CARF: variants seen among roughly 807,000 people sequenced by gnomAD.
CARF encodes calcium-responsive transcription factor.
In CARF, 57 loss-of-function variants were observed where a neutral mutation model predicts 82.0. The ratio of observed to expected loss-of-function variants is 0.70; its 90% CI spans 0.56 to 0.87. The LOEUF is 0.87. Ranked by LOEUF, CARF falls within the 40% of genes least tolerant of loss-of-function variation. CARF has a pLI of 0.00. For missense variants in CARF, 771 were observed against 855.8 expected (o/e 0.90, Z 1.24); for synonymous variants, 268 against 290.1 (o/e 0.92, Z 0.77).
At chr2:202,921,831 A>T (rs569742816) in intron 2 of CARF, among the ~76,000 whole-genome samples, 10 of 151,382 alleles carry the variant, frequency 6.6e-5, no homozygotes, top group Middle Eastern at 3.4e-3. Flanking sequence ...TTATTGAAAA[A>T]TTTTTTTTTC....
chr2:202,939,834 C>T (rs1277862646), intron 3 of CARF, among the ~76,000 whole-genome samples: 1 of 150,838 alleles, frequency 6.6e-6, no homozygotes, highest in Non-Finnish European at 1.5e-5. Context: ...GACTGCAGAC[C>T]CACACCACCA....
chr2:202,972,863 G>A (rs1428246376), intron 12 of CARF, among the ~76,000 whole-genome samples: 1 of 152,094 alleles, frequency 6.6e-6, no homozygotes, highest in Non-Finnish European at 1.5e-5. Flanking sequence ...CTCGAAAACT[G>A]CTACTTTAAC....
At chr2:202,929,494 A>G (rs904122854) in intron 3 of CARF, among the ~76,000 whole-genome samples, 1 of 152,154 alleles carries the variant, frequency 6.6e-6, no homozygotes, top group African/African-American at 2.4e-5. Flanking sequence ...AATTGGCTGT[A>G]AGTGCGTAGA....
At chr2:202,950,617 G>T (rs905059541) in intron 5 of CARF, among the ~76,000 whole-genome samples, 2 of 152,124 alleles carry the variant, frequency 1.3e-5, no homozygotes, top group Non-Finnish European at 2.9e-5. Context: ...GTAGTTTGAA[G>T]GAGTCAGATT....
intron 11 of CARF, among the ~76,000 whole-genome samples, chr2:202,971,240 C>T (rs1248530922): frequency 6.6e-6 from 1 of 151,938 alleles, no homozygotes; most frequent in East Asian, 1.9e-4. Flanking sequence ...CCCTGTATCT[C>T]CCTCAACTGT....
Position 202,932,595 on chromosome 2 carries a change from G to T in CARF, c.-44+8180G>T, listed in dbSNP as rs554641409. On this transcript the variant is annotated intron_variant, in intron 3 of 16. Transcript: ENST00000438828. Reference sequence around the variant, plus strand: ...CAGGGGGATGAAGCACTGTGTAATAGTAACTGTAGTCCCTGGGAACTTGGC... The same window carrying T: ...CAGGGGGATGAAGCACTGTGTAATATTAACTGTAGTCCCTGGGAACTTGGC... Among the ~76,000 whole-genome samples, 4 of 152,256 alleles carry T rather than the reference G, an allele frequency of 2.6e-5. No homozygotes were observed. In the South Asian group the frequency reaches 8.3e-4, roughly 32 times the overall value.
Position 202,918,042 on chromosome 2 carries a change from A to C in CARF, c.-164A>C, listed in dbSNP as rs559310200. Reference sequence around the variant, plus strand: ...AATTTAAACCTGAGCCACTATCTGAAGGTAATTTTTTTTAACTAATTGAAA... The same window carrying C: ...AATTTAAACCTGAGCCACTATCTGACGGTAATTTTTTTTAACTAATTGAAA... On this transcript the variant is annotated splice_region_variant and 5_prime_UTR_variant, in exon 2 of 17. Transcript: ENST00000438828. 445 of 450,304 alleles carry C rather than the reference A, an allele frequency of 9.9e-4. 4 individuals carry two copies. Among genetic ancestry groups the C allele is most frequent in the South Asian group, 6.9e-3 (433 of 62,578 alleles). 27.9% of individuals were successfully genotyped at this position (450,304 alleles called of 1,614,324 possible).
At chr2:202,970,934 C>T (rs1473709725) in intron 11 of CARF, among the ~76,000 whole-genome samples, 1 of 151,218 alleles carries the variant, frequency 6.6e-6, no homozygotes, top group Non-Finnish European at 1.5e-5. Context: ...ACTTGGCCAG[C>T]AGGAGCTGGG....
At chr2:202,956,849 C>T (rs1041945615) in intron 8 of CARF, among the ~76,000 whole-genome samples, 3 of 151,842 alleles carry the variant, frequency 2.0e-5, no homozygotes, top group East Asian at 1.9e-4. Context: ...AGTGCAGTGG[C>T]GCTGTCTCAG....
In CARF at chr2:202,970,074, T is replaced by A; in HGVS notation, c.1097+12T>A. On this transcript the variant is annotated intron_variant, in intron 11 of 16. Transcript: ENST00000438828. ...GGTGGTGTTCTTAGGTATGACATTT[T>A]TATAGTTCTTTTATTTTACAAATTA... 2.6e-6 allele frequency: 4 copies of A among 1,544,628 alleles called. No homozygotes were observed. Among genetic ancestry groups the A allele is most frequent in the Non-Finnish European group, 3.5e-6 (4 of 1,157,446 alleles).
intron 2 of CARF, among the ~76,000 whole-genome samples, chr2:202,918,867 C>A (rs955101449): frequency 1.3e-5 from 2 of 152,174 alleles, no homozygotes; most frequent in African/African-American, 4.8e-5. Context: ...TTAATATTTT[C>A]TCAATGTAAC....
intron 9 of CARF, among the ~76,000 whole-genome samples, chr2:202,966,570 C>T (rs1253727712): frequency 2.6e-5 from 4 of 152,028 alleles, no homozygotes; most frequent in East Asian, 1.9e-4. Flanking sequence ...ATTAGCCTGG[C>T]GTGGTGGCAC....
intron 10 of CARF, among the ~76,000 whole-genome samples, chr2:202,968,958 TAGAG>T (rs2059663939): frequency 6.6e-6 from 1 of 152,112 alleles, no homozygotes; most frequent in South Asian, 2.1e-4. Flanking sequence ...GGTAGAGAGT[TAGAG>T]GGATGATATT....
intron 5 of CARF, among the ~76,000 whole-genome samples, chr2:202,944,891 C>CA (rs1236299105): frequency 3.5e-4 from 52 of 149,662 alleles, no homozygotes; most frequent in Non-Finnish European, 5.9e-5. Flanking sequence ...TATTTGAGTC[C>CA]AAAAAAAAGT....
intron 10 of CARF, among the ~76,000 whole-genome samples, chr2:202,969,588 AAT>A: frequency 7.1e-6 from 1 of 140,604 alleles, no homozygotes; most frequent in African/African-American, 3.0e-5. Context: ...AAAATAAATA[AAT>A]AAATAAATAA....
intron 3 of CARF, among the ~76,000 whole-genome samples, chr2:202,941,031 A>T (rs2058203388): frequency 6.6e-6 from 1 of 152,044 alleles, no homozygotes; most frequent in African/African-American, 2.4e-5. Flanking sequence ...CCTTCTAAAT[A>T]ATTTTATTCT....
At chr2:202,917,430 CT>C (rs1689946874) in intron 1 of CARF, among the ~76,000 whole-genome samples, 1 of 151,964 alleles carries the variant, frequency 6.6e-6, no homozygotes, top group African/African-American at 2.4e-5. Flanking sequence ...TTTCTTTCTG[CT>C]CTCTTTAATT....
At chr2:202,943,652 GT>G (rs72240582) in intron 5 of CARF, among the ~76,000 whole-genome samples, 2 of 135,514 alleles carry the variant, frequency 1.5e-5, no homozygotes, top group African/African-American at 2.9e-5. Context: ...CTCCAGTTTT[GT>G]TTTTTTTTTT....
chr2:202,928,383 C>T (rs1328865987), intron 3 of CARF, among the ~76,000 whole-genome samples: 1 of 152,018 alleles, frequency 6.6e-6, no homozygotes, highest in Non-Finnish European at 1.5e-5. Flanking sequence ...TTTACGGACA[C>T]TTAGGTTGAT....
Sources: allele counts gnomAD v4.1 joint callset (sites outside exome capture counted in the v4.1 genomes callset), GRCh38; gene constraint gnomAD v4.1.1; transcripts MANE v1.5; gene names NCBI Gene and HGNC (gene_info 2026-07-23, HGNC 2026-07-21).